The following SMYD3 variants were observed in gnomAD, a reference collection of about 807,000 sequenced individuals.
SMYD3 encodes the protein SET and MYND domain containing 3, also known as histone-lysine N-methyltransferase SMYD3.
SMYD3 carries 36 observed loss-of-function variants against 57.7 expected under a neutral mutation model. That is an observed-to-expected ratio of 0.62 (90% CI 0.48 to 0.82). The LOEUF (loss-of-function observed/expected upper bound fraction) is 0.82. Among genes scored for constraint, SMYD3 ranks in the 40% least tolerant of loss-of-function variants. The probability of loss-of-function intolerance (pLI) is 0.00; values close to 1 mark genes in which losing one functional copy is unlikely to be tolerated. For synonymous variants in SMYD3, 211 were observed against 195.0 expected, an observed-to-expected ratio of 1.08 and a Z score of -0.68; for missense variants, 515 against 538.8, an observed-to-expected ratio of 0.96 and a Z score of 0.44.
chr1:246,223,639 T>C (rs920385737), intron 5 of SMYD3, among the ~76,000 whole-genome samples: 1 of 152,146 alleles, frequency 6.6e-6, no homozygotes, highest in African/African-American at 2.4e-5. Context: ...GACTATACTA[T>C]AGGTGCTGAA....
rs1282671861 is a variant in SMYD3, at chr1:245,976,950, TCTAGCCTAGGGAAAG to T, written c.532-47028_532-47014del. On this transcript the variant is annotated intron_variant, in intron 5 of 11. Transcript: ENST00000490107. The stretch of plus-strand genomic sequence containing the variant: ...CTCTAGCCTAGGGAAAGCCATCGTC[TCTAGCCTAGGGAAAG>T]CCATCGTCTCCGGCCCAGGGAAAGC... Among the ~76,000 whole-genome samples the T allele has an allele frequency of 4.7e-4, 21 of 45,136 alleles. 6 individuals carry two copies. Among genetic ancestry groups the T allele is most frequent in the East Asian group, 1.7e-3 (3 of 1,774 alleles). The allele number at this position is 45,136 out of a possible 152,430, so 29.6% of individuals were successfully genotyped here. A position where few individuals can be genotyped will look rare whatever the true frequency, so the allele number is the denominator to read the frequency against.
intron 10 of SMYD3, among the ~76,000 whole-genome samples, chr1:245,845,927 G>A (rs2050640806): frequency 6.6e-6 from 1 of 152,242 alleles, no homozygotes; most frequent in South Asian, 2.1e-4. Flanking sequence ...TTTCAAACCT[G>A]CATTTTTGGC....
intron 11 of SMYD3, among the ~76,000 whole-genome samples, chr1:245,756,169 TATTA>T (rs1251535401): frequency 1.3e-5 from 2 of 149,350 alleles, no homozygotes; most frequent in African/African-American, 2.4e-5. Context: ...TGTGTATGCA[TATTA>T]TATATGTATA....
chr1:246,226,048 T>C (rs2063325825), intron 5 of SMYD3, among the ~76,000 whole-genome samples: 1 of 152,186 alleles, frequency 6.6e-6, no homozygotes, highest in African/African-American at 2.4e-5. Flanking sequence ...GTTTACTTGC[T>C]TTTTTTCACA....
chr1:246,461,649 G>T (rs1472003844), intron 1 of SMYD3, among the ~76,000 whole-genome samples: 1 of 149,922 alleles, frequency 6.7e-6, no homozygotes, highest in Non-Finnish European at 1.5e-5. Context: ...CAGGAGAATG[G>T]CATGAACCCG....
At chr1:245,759,563 C>G (rs1018786011) in intron 11 of SMYD3, among the ~76,000 whole-genome samples, 1 of 152,172 alleles carries the variant, frequency 6.6e-6, no homozygotes, top group Non-Finnish European at 1.5e-5. Flanking sequence ...GACATGGGAA[C>G]AACAGAACTG....
At chr1:246,418,452 C>T (rs574341352) in intron 1 of SMYD3, among the ~76,000 whole-genome samples, 8 of 152,118 alleles carry the variant, frequency 5.3e-5, no homozygotes, top group Non-Finnish European at 8.8e-5. Flanking sequence ...TCCTGAAGCC[C>T]CAGTGGGCAT....
chr1:246,424,961 T>G (rs1392246394), intron 1 of SMYD3, among the ~76,000 whole-genome samples: 1 of 152,236 alleles, frequency 6.6e-6, no homozygotes, highest in Non-Finnish European at 1.5e-5. Flanking sequence ...ATAGCGATAA[T>G]AGTAATCAAG....
intron 1 of SMYD3, among the ~76,000 whole-genome samples, chr1:246,403,317 GGCCCT>G (rs2066803220): frequency 6.6e-6 from 1 of 151,796 alleles, no homozygotes; most frequent in Non-Finnish European, 1.5e-5. Flanking sequence ...AACATAGTAA[GGCCCT>G]GTGTCTTAAA....
rs182231631 is a variant in SMYD3, at chr1:246,324,347, G to A, written c.531+2854C>T. ...GCAGAATCGCTTGAACCCGGGAGGCGGAGGTTGCAGTGAGCCGATGTTGCG... is the reference window on the plus strand; with the variant it reads ...GCAGAATCGCTTGAACCCGGGAGGCAGAGGTTGCAGTGAGCCGATGTTGCG... On this transcript the variant is annotated intron_variant, in intron 5 of 11. Coordinates refer to ENST00000490107, the MANE Select transcript of SMYD3 (RefSeq NM_001167740.2). 6.7e-3 allele frequency among the ~76,000 whole-genome samples: 1,017 copies of A among 151,122 alleles called. 11 individuals are homozygous for A. The highest frequency in any genetic ancestry group is 0.023 in the African/African-American group (956 of 41,068).
intron 5 of SMYD3, among the ~76,000 whole-genome samples, chr1:246,116,109 C>T (rs1184059382): frequency 1.3e-5 from 2 of 151,816 alleles, no homozygotes; most frequent in African/African-American, 2.4e-5. Flanking sequence ...CACTGCGCTC[C>T]AGCCTGGGCG....
At chr1:245,996,925 G>T (rs182283339) in intron 5 of SMYD3, among the ~76,000 whole-genome samples, 10 of 152,306 alleles carry the variant, frequency 6.6e-5, no homozygotes, top group Admixed American at 4.6e-4. Flanking sequence ...TGAAGAAGTC[G>T]GCCCCAGAAC....
rs371065893 is a variant in SMYD3, at chr1:246,291,170, T to C, written c.531+36031A>G. On this transcript the variant is annotated intron_variant, in intron 5 of 11. Coordinates refer to ENST00000490107, the MANE Select transcript of SMYD3 (RefSeq NM_001167740.2). ...AGACAAGCATCAGTTACAAATTATG[T>C]ATACAGCTTGCTAACAAATTAGGGA... is the stretch of plus-strand genomic sequence containing the variant. Among the ~76,000 whole-genome samples, 3 of 152,352 alleles carry C rather than the reference T, an allele frequency of 2.0e-5. No homozygotes were observed. In the South Asian group the frequency reaches 6.2e-4, roughly 32 times the overall value.
intron 8 of SMYD3, among the ~76,000 whole-genome samples, chr1:245,891,230 T>C (rs2053367147): frequency 6.6e-6 from 1 of 152,236 alleles, no homozygotes; most frequent in Admixed American, 6.5e-5. Context: ...AATTGGAATA[T>C]TTGTACCACA....
chr1:246,068,977 G>T (rs964193076), intron 5 of SMYD3, among the ~76,000 whole-genome samples: 1 of 152,206 alleles, frequency 6.6e-6, no homozygotes, highest in Non-Finnish European at 1.5e-5. Flanking sequence ...ACCAACATGG[G>T]AAGGAGAAGA....
chr1:246,151,322 T>C (rs1158403064), intron 5 of SMYD3, among the ~76,000 whole-genome samples: 1 of 152,022 alleles, frequency 6.6e-6, no homozygotes. Context: ...TTTGTCCTTC[T>C]ACAAGCAGGA....
intron 11 of SMYD3, 119 bp downstream of exon 11, chr1:245,763,922 G>T: frequency 2.8e-6 from 2 of 702,222 alleles, no homozygotes; most frequent in South Asian, 1.9e-5. Context: ...AGCACACACT[G>T]GGCATGCGTG....
At chr1:245,828,866 C>G (rs1393711735) in intron 10 of SMYD3, among the ~76,000 whole-genome samples, 1 of 152,102 alleles carries the variant, frequency 6.6e-6, no homozygotes, top group Non-Finnish European at 1.5e-5. Flanking sequence ...CCACGCCCAG[C>G]TAATCTTTGT....
chr1:246,323,146 C>T (rs570748919), intron 5 of SMYD3, among the ~76,000 whole-genome samples: 8 of 152,308 alleles, frequency 5.3e-5, no homozygotes, highest in African/African-American at 1.9e-4. Flanking sequence ...TAGAAAAATT[C>T]CTCCTTCCTA....
Sources: gnomAD v4.1 joint callset for allele counts (sites outside exome capture counted in the v4.1 genomes callset) on GRCh38, gnomAD v4.1.1 for gene constraint, MANE v1.5 for transcripts, NCBI Gene and HGNC (gene_info 2026-07-23, HGNC 2026-07-21) for gene names.